The following COMMD1 variants were observed in gnomAD, a reference collection of about 807,000 sequenced individuals.
COMMD1 encodes the protein copper metabolism domain containing 1.
COMMD1 carries 10 observed loss-of-function variants against 17.2 expected under a neutral mutation model. That is an observed-to-expected ratio of 0.58 (90% CI 0.36 to 0.99). The LOEUF is 0.99. Among genes scored for constraint, COMMD1 ranks in the 50% least tolerant of loss-of-function variants. The probability of loss-of-function intolerance (pLI) is 0.01; values close to 1 mark genes in which losing one functional copy is unlikely to be tolerated. For synonymous variants in COMMD1, 97 were observed against 91.6 expected (o/e 1.06, Z -0.34); for missense variants, 270 against 231.8 (o/e 1.17, Z -1.07).
intron 2 of COMMD1, among the ~76,000 whole-genome samples, chr2:62,010,493 C>T (rs1669248103): frequency 6.6e-6 from 1 of 152,146 alleles, no homozygotes; most frequent in African/African-American, 2.4e-5. Context: ...TATCTCCAAA[C>T]TGGATTTCTC....
In COMMD1 at chr2:62,020,457, A is replaced by G. The variant is rs569547488; in HGVS notation, c.462+19475A>G. ...TTTTTGCAGCTGTGTAGATTCCTCT[A>G]TCCACTTCCAACCTGTAGATGTTTG... On this transcript the variant is annotated intron_variant, in intron 2 of 2. Transcript: ENST00000311832. 4.6e-4 allele frequency among the ~76,000 whole-genome samples: 70 copies of G among 151,520 alleles called. 2 individuals carry two copies. In the South Asian group the frequency reaches 0.014, roughly 30 times the overall value.
intron 1 of COMMD1, among the ~76,000 whole-genome samples, chr2:61,924,085 G>T (rs962113578): frequency 2.0e-5 from 3 of 152,134 alleles, no homozygotes; most frequent in Non-Finnish European, 4.4e-5. Flanking sequence ...TCTAGAAAGA[G>T]AATTTCTTTA....
chr2:62,125,773 T>A (rs1209180392), intron 2 of COMMD1, among the ~76,000 whole-genome samples: 1 of 152,162 alleles, frequency 6.6e-6, no homozygotes, highest in East Asian at 1.9e-4. Context: ...TTTTTTTAAT[T>A]TTTATTTTAA....
At chr2:62,115,831 T>TC (rs1558605664) in intron 2 of COMMD1, among the ~76,000 whole-genome samples, 6 of 127,138 alleles carry the variant, frequency 4.7e-5, no homozygotes, top group Non-Finnish European at 9.9e-5. Context: ...GTGGGTTTTT[T>TC]TTTTCTTTCT....
intron 2 of COMMD1, among the ~76,000 whole-genome samples, chr2:62,095,647 A>G (rs1284435715): frequency 6.6e-6 from 1 of 150,414 alleles, no homozygotes; most frequent in Non-Finnish European, 1.5e-5. Context: ...CAATAATCGT[A>G]TAAGTGCAAC....
chr2:62,129,527 T>C (rs964117960), intron 2 of COMMD1, among the ~76,000 whole-genome samples: 4 of 152,310 alleles, frequency 2.6e-5, no homozygotes, highest in Middle Eastern at 3.4e-3. Flanking sequence ...AAAGGAGCAG[T>C]ATCAATGATA....
intron 1 of COMMD1, among the ~76,000 whole-genome samples, chr2:61,961,010 C>A (rs567039313): frequency 1.3e-5 from 2 of 152,182 alleles, no homozygotes; most frequent in Non-Finnish European, 2.9e-5. Context: ...CGGGGGCTGC[C>A]GCAAAGGGCA....
intron 2 of COMMD1, among the ~76,000 whole-genome samples, chr2:62,047,587 T>A (rs1398360971): frequency 6.6e-6 from 1 of 152,002 alleles, no homozygotes; most frequent in Non-Finnish European, 1.5e-5. Flanking sequence ...CCTGAGTAGC[T>A]GGGACTACAG....
chr2:62,063,862 C>G (rs1004848548), intron 2 of COMMD1, among the ~76,000 whole-genome samples: 8 of 50,160 alleles, frequency 1.6e-4, no homozygotes, highest in Non-Finnish European at 3.2e-4. Context: ...GACACTGTCT[C>G]TACAAAATAT....
At chr2:62,014,657 G>A (rs574254076) in intron 2 of COMMD1, among the ~76,000 whole-genome samples, 263 of 144,672 alleles carry the variant, frequency 1.8e-3, no homozygotes, top group Middle Eastern at 7.2e-3. Flanking sequence ...TACCTCCTGG[G>A]TTCAGGCGAT....
intron 1 of COMMD1, among the ~76,000 whole-genome samples, chr2:61,991,254 A>G (rs147800802): frequency 4.6e-4 from 70 of 152,256 alleles, no homozygotes; most frequent in Non-Finnish European, 4.7e-4. Context: ...ATTATTTTCT[A>G]CTCTTATCTT....
chr2:62,094,696 C>A (rs1192851400), intron 2 of COMMD1, among the ~76,000 whole-genome samples: 4 of 152,100 alleles, frequency 2.6e-5, no homozygotes, highest in Non-Finnish European at 4.4e-5. Context: ...AGTCAATCAA[C>A]TGAGTATCAA....
chr2:62,076,032 A>G (rs901747001), intron 2 of COMMD1, among the ~76,000 whole-genome samples: 2 of 152,196 alleles, frequency 1.3e-5, no homozygotes, highest in Non-Finnish European at 2.9e-5. Context: ...TGCTGTTGCA[A>G]TATTCCTTTC....
chr2:62,064,339 A>G (rs763502954), intron 2 of COMMD1, among the ~76,000 whole-genome samples: 7 of 151,820 alleles, frequency 4.6e-5, no homozygotes, highest in Non-Finnish European at 7.4e-5. Flanking sequence ...ACGCCTGGCT[A>G]ATTTTTGTAT....
chr2:61,964,773 T>C (rs546532176), intron 1 of COMMD1, among the ~76,000 whole-genome samples: 14 of 152,330 alleles, frequency 9.2e-5, no homozygotes, highest in Non-Finnish European at 2.1e-4. Flanking sequence ...CTCAGGAGGC[T>C]GAGGCAGGAG....
At chr2:62,003,605 TACACACAC>T (rs57628894) in intron 2 of COMMD1, among the ~76,000 whole-genome samples, 2,011 of 146,246 alleles carry the variant, frequency 0.014, 31 homozygotes, top group African/African-American at 0.046. Flanking sequence ...CAGATATTTT[TACACACAC>T]ACACACACAC....
chr2:62,009,890 T>C (rs1220260160), intron 2 of COMMD1, among the ~76,000 whole-genome samples: 2 of 152,172 alleles, frequency 1.3e-5, no homozygotes, highest in African/African-American at 4.8e-5. Flanking sequence ...AGTGAATGGC[T>C]AGTGAAATAC....
intron 1 of COMMD1, among the ~76,000 whole-genome samples, chr2:61,967,878 A>G (rs1033541845): frequency 1.3e-5 from 2 of 152,218 alleles, no homozygotes; most frequent in African/African-American, 4.8e-5. Context: ...TTAAGAAAAT[A>G]GGCTGGGTGT....
At chr2:62,090,520 A>G (rs1671796781) in intron 2 of COMMD1, among the ~76,000 whole-genome samples, 1 of 152,248 alleles carries the variant, frequency 6.6e-6, no homozygotes, top group Non-Finnish European at 1.5e-5. Flanking sequence ...CCTGGTCCTC[A>G]ATGTCTAAAT....
Sources: gnomAD v4.1 joint callset for allele counts (sites outside exome capture counted in the v4.1 genomes callset) on GRCh38, gnomAD v4.1.1 for gene constraint, MANE v1.5 for transcripts, NCBI Gene and HGNC (gene_info 2026-07-23, HGNC 2026-07-21) for gene names.